Variants in COTL1 observed in about 807,000 individuals in gnomAD.
COTL1 encodes the protein coactosin like F-actin binding protein 1, also known as coactosin-like protein.
COTL1 carries 15 observed loss-of-function variants against 16.5 expected under a neutral mutation model. The observed-to-expected ratio is 0.91, with a 90% CI of 0.61 to 1.40. COTL1 has a LOEUF of 1.40. COTL1 is among the 40% of genes most tolerant of loss of function. COTL1 has a pLI of 0.00. For synonymous variants in COTL1, 112 were observed against 85.3 expected (o/e 1.31, Z -1.73); for missense variants, 220 against 201.5 (o/e 1.09, Z -0.56).
At chr16:84,603,175 A>G (rs12149601) in intron 2 of COTL1, among the ~76,000 whole-genome samples, 32,068 of 152,098 alleles carry the variant, frequency 0.21, 3,530 homozygotes, top group South Asian at 0.3. Context: ...ACTCGCAGCC[A>G]GTTTTCCTTC....
chr16:84,615,958 A>G (rs575277352), intron 2 of COTL1: 6 of 152,308 alleles, frequency 3.9e-5, no homozygotes, highest in African/African-American at 1.4e-4. Context: ...AATGCAAAAT[A>G]TAATTTGATT....
At chr16:84,569,830 G>C (rs776707047) in intron 3 of COTL1, among the ~76,000 whole-genome samples, 5 of 152,244 alleles carry the variant, frequency 3.3e-5, no homozygotes, top group Non-Finnish European at 7.3e-5. Context: ...GAGGGGCAGA[G>C]AGCTTTCAGA....
chr16:84,571,422 G>A (rs1411111724), intron 3 of COTL1, among the ~76,000 whole-genome samples: 1 of 152,142 alleles, frequency 6.6e-6, no homozygotes, highest in African/African-American at 2.4e-5. Flanking sequence ...GGGAAACTGA[G>A]GCTCGGCGAG....
At chr16:84,580,856 A>C (rs919414701) in intron 3 of COTL1, among the ~76,000 whole-genome samples, 3 of 152,204 alleles carry the variant, frequency 2.0e-5, no homozygotes, top group Non-Finnish European at 4.4e-5. Flanking sequence ...AAAATATATG[A>C]CATGAGGCCA....
chr16:84,617,926 C>T lies in COTL1; in HGVS notation c.-12G>A. The T allele has an allele frequency of 6.5e-7, 1 of 1,548,544 alleles. No homozygotes were observed. Among genetic ancestry groups the T allele is most frequent in the Non-Finnish European group, 8.7e-7 (1 of 1,146,910 alleles). On this transcript the variant is annotated 5_prime_UTR_variant, in exon 1 of 4. Transcript: ENST00000262428. Reference sequence around the variant, plus strand: ...ATCTTGGTGGCCATCGCCGCGGAGCCGCAGCGGGACACTGTCCGGGGCGGC... The same window carrying T: ...ATCTTGGTGGCCATCGCCGCGGAGCTGCAGCGGGACACTGTCCGGGGCGGC...
chr16:84,590,022 G>A lies in COTL1; in HGVS notation c.318+83C>T. 7.1e-7 allele frequency: 1 copy of A among 1,414,870 alleles called. No individual in the cohort carries two copies. The highest frequency in any genetic ancestry group is 9.7e-7 in the Non-Finnish European group (1 of 1,027,820). The allele number at this position is 1,414,870 out of a possible 1,614,324, so 87.6% of individuals were successfully genotyped here. On this transcript the variant is annotated intron_variant, in intron 3 of 3. Transcript: ENST00000262428. The surrounding 1 kb of genome is among the most constrained non-coding windows in gnomAD (Gnocchi z 5.5). Reference sequence around the variant, plus strand: ...AGTCACAGCTAAGCTACAGACCCAGGAGTCGAACCCAGCCCTCTCCCTCCT... The same window carrying A: ...AGTCACAGCTAAGCTACAGACCCAGAAGTCGAACCCAGCCCTCTCCCTCCT...
chr16:84,605,496 A>C (rs1025927048), intron 2 of COTL1, among the ~76,000 whole-genome samples: 2 of 152,218 alleles, frequency 1.3e-5, no homozygotes, highest in African/African-American at 4.8e-5. Context: ...GGTTAAGGTA[A>C]GGATCCTGAG....
intron 3 of COTL1, among the ~76,000 whole-genome samples, chr16:84,574,162 C>G (rs1904398563): frequency 6.6e-6 from 1 of 152,182 alleles, no homozygotes; most frequent in Non-Finnish European, 1.5e-5. Context: ...CCATTCACCT[C>G]TTCATTATGT....
intron 2 of COTL1, among the ~76,000 whole-genome samples, chr16:84,611,175 C>A (rs545680894): frequency 1.3e-5 from 2 of 152,244 alleles, no homozygotes; most frequent in South Asian, 4.1e-4. Flanking sequence ...CAAAGCAAGA[C>A]GCCCCAGCCT....
At chr16:84,569,378 T>TA (rs1157832919) in intron 3 of COTL1, among the ~76,000 whole-genome samples, 1 of 151,880 alleles carries the variant, frequency 6.6e-6, no homozygotes, top group Admixed American at 6.6e-5. Flanking sequence ...CCACCACAAT[T>TA]AAAAAATAAA....
At chr16:84,574,501 C>G (rs1904407603) in intron 3 of COTL1, among the ~76,000 whole-genome samples, 1 of 152,202 alleles carries the variant, frequency 6.6e-6, no homozygotes, top group Non-Finnish European at 1.5e-5. Flanking sequence ...TTCCAAGGGC[C>G]TCATCCGACG....
intron 2 of COTL1, among the ~76,000 whole-genome samples, chr16:84,609,362 G>A (rs1398167835): frequency 6.6e-6 from 1 of 152,204 alleles, no homozygotes; most frequent in Non-Finnish European, 1.5e-5. Flanking sequence ...CCACCTCCAA[G>A]AGGCATCCCC....
At chr16:84,606,107 C>G (rs977534984) in intron 2 of COTL1, among the ~76,000 whole-genome samples, 16 of 152,212 alleles carry the variant, frequency 1.1e-4, no homozygotes, top group Admixed American at 3.3e-4. Flanking sequence ...ATATTAAATG[C>G]TGACGTGCCA....
intron 3 of COTL1, among the ~76,000 whole-genome samples, chr16:84,582,275 A>G (rs1904615197): frequency 6.6e-6 from 1 of 152,156 alleles, no homozygotes. Flanking sequence ...GATTACAGGC[A>G]TGAGCCACTG....
Position 84,588,653 on chromosome 16 carries a change from G to C in COTL1, c.318+1452C>G, listed in dbSNP as rs143817627. 8.3e-4 allele frequency among the ~76,000 whole-genome samples: 126 copies of C among 151,962 alleles called. No homozygotes were observed. In the Middle Eastern group the frequency reaches 0.01, roughly 12 times the overall value. ...AGCCTCCCAAGTAGCTGGGACTACC[G>C]GTATGCACCACCACACAGGGCTAAT... On this transcript the variant is annotated intron_variant, in intron 3 of 3. Transcript: ENST00000262428.
intron 3 of COTL1, among the ~76,000 whole-genome samples, chr16:84,570,048 A>G (rs1297227411): frequency 1.3e-5 from 2 of 152,116 alleles, no homozygotes; most frequent in African/African-American, 4.8e-5. Context: ...GAGGCTGAGG[A>G]GAGCAGATCA....
At chr16:84,581,118 G>C (rs2150683601) in intron 3 of COTL1, among the ~76,000 whole-genome samples, 1 of 143,370 alleles carries the variant, frequency 7.0e-6, no homozygotes. Context: ...CTCCAGCCTA[G>C]GCAACAGAGT....
chr16:84,571,927 C>T (rs1054469165), intron 3 of COTL1, among the ~76,000 whole-genome samples: 3 of 152,220 alleles, frequency 2.0e-5, no homozygotes, highest in Non-Finnish European at 2.9e-5. Flanking sequence ...CCATCCTACA[C>T]GGGGTGCTCC....
chr16:84,600,799 A>G (rs756267869), intron 2 of COTL1, among the ~76,000 whole-genome samples: 20 of 152,218 alleles, frequency 1.3e-4, no homozygotes, highest in Non-Finnish European at 2.2e-4. Context: ...GACAGAGAAC[A>G]TAAGAAAATG....
Sources: gnomAD v4.1 joint callset for allele counts (sites outside exome capture counted in the v4.1 genomes callset) on GRCh38, gnomAD v4.1.1 for gene constraint, Gnocchi (gnomAD v3.1) non-coding constraint, MANE v1.5 for transcripts, NCBI Gene and HGNC (gene_info 2026-07-23, HGNC 2026-07-21) for gene names.